The following MROH2B variants were observed in gnomAD, a reference collection of about 807,000 sequenced individuals.
MROH2B encodes maestro heat like repeat family member 2B, also known as maestro heat-like repeat-containing protein family member 2B.
A neutral mutation model predicts 208.6 loss-of-function variants in MROH2B; 177 were observed. The ratio of observed to expected loss-of-function variants is 0.85; its 90% CI spans 0.75 to 0.96. MROH2B has a LOEUF of 0.96. Ranked by LOEUF, MROH2B falls within the 40% of genes least tolerant of loss-of-function variation. The pLI, the probability that MROH2B is intolerant of heterozygous loss-of-function variation, is 0.00. For missense variants in MROH2B, 2,002 were observed against 1,878.7 expected (o/e 1.07, Z -1.21); for synonymous variants, 728 against 659.0 (o/e 1.10, Z -1.60).
At chr5:41,032,510 T>C (rs1742605934) in intron 24 of MROH2B, among the ~76,000 whole-genome samples, 1 of 152,054 alleles carries the variant, frequency 6.6e-6, no homozygotes, top group African/African-American at 2.4e-5. Flanking sequence ...TATTAATACA[T>C]ATAATTCCTC....
intron 24 of MROH2B, among the ~76,000 whole-genome samples, chr5:41,025,590 G>A (rs889962879): frequency 1.7e-4 from 26 of 152,156 alleles, no homozygotes; most frequent in African/African-American, 4.8e-4. Flanking sequence ...ATTCACAGCC[G>A]AATTCTACCA....
Position 41,033,082 on chromosome 5 carries a change from A to G in MROH2B, c.2320T>C (p.Phe774Leu), listed in dbSNP as rs758701988. The G allele has an allele frequency of 1.9e-6, 3 of 1,613,010 alleles. No individual in the cohort carries two copies. Among genetic ancestry groups the G allele is most frequent in the South Asian group, 2.2e-5 (2 of 91,058 alleles). The stretch of plus-strand genomic sequence containing the variant: ...AGCATCTCCTTGTAGGAAAACTGGA[A>G]CCCCTGATCCTCAGCATCTTGGACA... The part of the protein sequence containing the change: ...IAVQDAEDQG[F>L]QFSYKEMLIG... Residue 774 changes from phenylalanine (F) to leucine (L), a missense_variant, in exon 23 of 42, where the codon TTC becomes CTC. Phe to Leu is a conservative substitution (Grantham distance 22, BLOSUM62 0). Coordinates refer to ENST00000399564, the MANE Select transcript of MROH2B (RefSeq NM_173489.5).
intron 37 of MROH2B, among the ~76,000 whole-genome samples, chr5:41,002,144 A>G (rs1741417175): frequency 6.6e-6 from 1 of 152,238 alleles, no homozygotes; most frequent in African/African-American, 2.4e-5. Context: ...ACAAGGTACC[A>G]AAAAGGTAGA....
chr5:41,011,588 A>G (rs1741774699), intron 30 of MROH2B, among the ~76,000 whole-genome samples: 1 of 152,190 alleles, frequency 6.6e-6, no homozygotes, highest in South Asian at 2.1e-4. Flanking sequence ...AATTGAGGGT[A>G]GTTGACTGGA....
At chr5:41,011,825 G>T (rs1741782900) in intron 30 of MROH2B, among the ~76,000 whole-genome samples, 1 of 152,010 alleles carries the variant, frequency 6.6e-6, no homozygotes, top group Non-Finnish European at 1.5e-5. Context: ...TTGCCACCAT[G>T]CGCAGCTAAG....
rs1741564476 is a variant in MROH2B, at chr5:41,005,648, A to G, written c.3750-3T>C. Reference sequence around the variant, plus strand: ...CGTGTTGCCACACTGCCATGCTCCTAGAAAATGCACATTTTAGCAGAGACA... The same window carrying G: ...CGTGTTGCCACACTGCCATGCTCCTGGAAAATGCACATTTTAGCAGAGACA... On this transcript the variant is annotated splice_region_variant and splice_polypyrimidine_tract_variant and intron_variant, in intron 34 of 41. Transcript: ENST00000399564. 6.2e-7 allele frequency: 1 copy of G among 1,603,932 alleles called. No homozygotes were observed. Among genetic ancestry groups the G allele is most frequent in the Non-Finnish European group, 8.5e-7 (1 of 1,173,940 alleles).
At chr5:41,068,610 T>C (rs955095746) in intron 2 of MROH2B, among the ~76,000 whole-genome samples, 2 of 152,202 alleles carry the variant, frequency 1.3e-5, no homozygotes, top group African/African-American at 4.8e-5. Context: ...TATTATTCTT[T>C]AACTAGACTC....
chr5:41,009,229 T>C, intron 32 of MROH2B, 51 bp downstream of exon 32: 1 of 1,605,266 alleles, frequency 6.2e-7, no homozygotes, highest in Non-Finnish European at 8.5e-7. Flanking sequence ...GGATAGATCA[T>C]AAAGATGGCG....
chr5:41,067,017 C>T (rs1743833057), intron 3 of MROH2B, 91 bp downstream of exon 3: 2 of 729,276 alleles, frequency 2.7e-6, no homozygotes, highest in South Asian at 3.1e-5. Flanking sequence ...GATTTGTGGT[C>T]CTGGCAACAG....
At chr5:41,013,855 TCAATTA>T (rs1741851410) in intron 29 of MROH2B, among the ~76,000 whole-genome samples, 1 of 152,212 alleles carries the variant, frequency 6.6e-6, no homozygotes, top group Non-Finnish European at 1.5e-5. Context: ...CATTTGCTGA[TCAATTA>T]CTCATGTCTC....
rs549836281 is a variant in MROH2B, at chr5:41,000,741, T to C, written c.4287A>G (p.Glu1429=). The C allele has an allele frequency of 4.3e-4, 698 of 1,611,892 alleles. 6 individuals are homozygous for C. In the South Asian group the frequency reaches 6.1e-3, roughly 14 times the overall value. ...GRRWKIFFAE[E]IKKSLISFLL... is the part of the protein sequence containing the mutation. ...GGAATGAAATCAGGCTCTTTTTTATTTCTTCAGCAAAAAAAATCTTCCACC... is the reference window on the plus strand; with the variant it reads ...GGAATGAAATCAGGCTCTTTTTTATCTCTTCAGCAAAAAAAATCTTCCACC... Residue 1429 remains glutamate, a synonymous_variant, in exon 38 of 42, where the codon GAA becomes GAG. Coordinates refer to ENST00000399564, the MANE Select transcript of MROH2B (RefSeq NM_173489.5).
chr5:41,012,667 C>T lies in MROH2B; in HGVS notation c.3051G>A (p.Glu1017=), dbSNP rs745773193. The change falls in exon 30 of 42, where the codon GAG becomes GAA. Residue 1017 remains glutamate, a synonymous_variant. Transcript: ENST00000399564. ...CCTTTGTACAAGTGGGGTTGAGGCTCTCCAGACCGTCCAGCATTTCCTCTA... is the reference window on the plus strand; with the variant it reads ...CCTTTGTACAAGTGGGGTTGAGGCTTTCCAGACCGTCCAGCATTTCCTCTA... ...MFLEEMLDGL[E]SLNPTCTKAC... 2.5e-6 allele frequency: 4 copies of T among 1,613,924 alleles called. No individual in the cohort carries two copies. The highest frequency in any genetic ancestry group is 2.5e-6 in the Non-Finnish European group (3 of 1,179,814).
At chr5:41,043,071 T>A (rs557776106) in intron 18 of MROH2B, among the ~76,000 whole-genome samples, 1 of 152,380 alleles carries the variant, frequency 6.6e-6, no homozygotes, top group South Asian at 2.1e-4. Flanking sequence ...GCAGGACTTT[T>A]CCTAATGAGT....
At chr5:41,053,145 G>T (rs1165274196) in intron 11 of MROH2B, among the ~76,000 whole-genome samples, 2 of 152,154 alleles carry the variant, frequency 1.3e-5, no homozygotes, top group Non-Finnish European at 2.9e-5. Context: ...AATACTCAAT[G>T]AAAGATAACA....
At chr5:41,049,022 T>G in intron 15 of MROH2B, 79 bp downstream of exon 15, 1 of 1,373,926 alleles carries the variant, frequency 7.3e-7, no homozygotes. Flanking sequence ...CTATGTAATT[T>G]ATATTAGCAC....
At chr5:41,004,710 G>C (rs940435720) in intron 36 of MROH2B, 64 bp downstream of exon 36, 4 of 1,571,188 alleles carry the variant, frequency 2.5e-6, no homozygotes, top group Non-Finnish European at 3.4e-6. Context: ...CTAGGCGTGG[G>C]TTATTAAATC....
chr5:41,025,543 A>G (rs1036774401), intron 24 of MROH2B, among the ~76,000 whole-genome samples: 1 of 152,198 alleles, frequency 6.6e-6, no homozygotes, highest in African/African-American at 2.4e-5. Context: ...GCAATAATTA[A>G]TAGCTTACCA....
intron 21 of MROH2B, among the ~76,000 whole-genome samples, chr5:41,034,498 G>A (rs1377050354): frequency 1.3e-5 from 2 of 152,064 alleles, no homozygotes; most frequent in African/African-American, 4.8e-5. Context: ...TGTGTTATGA[G>A]CCTTTCCCAT....
intron 37 of MROH2B, among the ~76,000 whole-genome samples, chr5:41,003,501 A>C (rs1561272603): frequency 1.3e-5 from 2 of 152,186 alleles, no homozygotes; most frequent in South Asian, 2.1e-4. Context: ...TGGATTTGAG[A>C]GGTAATATAT....
Sources: allele counts gnomAD v4.1 joint callset (sites outside exome capture counted in the v4.1 genomes callset), GRCh38; gene constraint gnomAD v4.1.1; transcripts MANE v1.5; gene names NCBI Gene and HGNC (gene_info 2026-07-23, HGNC 2026-07-21).